Variants in GLDN observed in about 807,000 individuals in gnomAD.
The protein encoded by GLDN is gliomedin.
GLDN carries 47 observed loss-of-function variants against 56.5 expected under a neutral mutation model. That is an observed-to-expected ratio of 0.83 (90% CI 0.66 to 1.06). The LOEUF (loss-of-function observed/expected upper bound fraction) is 1.06. Ranked by LOEUF, GLDN falls within the 50% of genes least tolerant of loss-of-function variation. The pLI is 0.00. For synonymous variants in GLDN, 332 were observed against 278.8 expected, an observed-to-expected ratio of 1.19 and a Z score of -1.90; for missense variants, 782 against 714.3, an observed-to-expected ratio of 1.09 and a Z score of -1.08.
At position 51,362,959 on chromosome 15, in the gene GLDN, G is replaced by GA. The variant is rs1479445445; in HGVS notation, c.364-14483dup. On this transcript the variant is annotated intron_variant, in intron 1 of 9. Transcript: ENST00000335449. ...ACAGTTTTAATGTGATGTGAGAGGG[G>GA]AAAAAAATAGAGGAATTGAAGGACT... 2.7e-5 allele frequency among the ~76,000 whole-genome samples: 4 copies of GA among 148,614 alleles called. No individual in the cohort carries two copies. The East Asian group carries it at 5.9e-4, about 22-fold the overall frequency.
chr15:51,389,130 G>A (rs1321367433), intron 4 of GLDN, among the ~76,000 whole-genome samples: 1 of 152,174 alleles, frequency 6.6e-6, no homozygotes, highest in African/African-American at 2.4e-5. Flanking sequence ...CCAAGATGAG[G>A]CCTTGACCTC....
intron 1 of GLDN, among the ~76,000 whole-genome samples, chr15:51,376,031 A>T (rs924014949): frequency 2.0e-5 from 3 of 152,212 alleles, no homozygotes; most frequent in African/African-American, 7.2e-5. Context: ...ATGTTGATAG[A>T]TAAGCTGCTG....
chr15:51,377,010 T>C (rs2037646479), intron 1 of GLDN, among the ~76,000 whole-genome samples: 1 of 152,208 alleles, frequency 6.6e-6, no homozygotes, highest in Non-Finnish European at 1.5e-5. Flanking sequence ...TGTCAAGATG[T>C]CAGCTGGAAA....
intron 1 of GLDN, among the ~76,000 whole-genome samples, chr15:51,354,938 C>T (rs59407260): frequency 1.6e-4 from 25 of 152,212 alleles, no homozygotes; most frequent in East Asian, 1.2e-3. Context: ...AAACAATTCA[C>T]GTATGGCTAA....
intron 4 of GLDN, among the ~76,000 whole-genome samples, chr15:51,387,869 C>T (rs1008288029): frequency 2.0e-5 from 3 of 152,174 alleles, no homozygotes; most frequent in Admixed American, 6.5e-5. Context: ...CTAAGGTCTC[C>T]GTACACTCAG....
At chr15:51,353,273 C>T (rs2037109075) in intron 1 of GLDN, among the ~76,000 whole-genome samples, 1 of 152,310 alleles carries the variant, frequency 6.6e-6, no homozygotes, top group Admixed American at 6.5e-5. Context: ...TTCTAAAACC[C>T]TAGCCTCTGA....
chr15:51,393,457 T>G (rs1489128562), intron 4 of GLDN, among the ~76,000 whole-genome samples: 2 of 152,186 alleles, frequency 1.3e-5, no homozygotes, highest in Non-Finnish European at 2.9e-5. Flanking sequence ...AATGAGGACT[T>G]TTTCCTGTGT....
intron 1 of GLDN, among the ~76,000 whole-genome samples, chr15:51,368,297 C>A (rs1415356775): frequency 6.6e-6 from 1 of 151,990 alleles, no homozygotes; most frequent in South Asian, 2.1e-4. Context: ...GAGAAGTCAG[C>A]GTAACAGCGA....
chr15:51,410,308 T>C (rs545797660), downstream of GLDN, among the ~76,000 whole-genome samples: 1 of 152,364 alleles, frequency 6.6e-6, no homozygotes, highest in Admixed American at 6.5e-5. Context: ...ATTTTGCTTT[T>C]GGTGCTGGAA....
rs758677429 is a variant in GLDN, at chr15:51,397,472, G to A, written c.691G>A (p.Ala231Thr). Residue 231 changes from alanine to threonine, a missense_variant and splice_region_variant, in exon 6 of 10, where the codon GCC becomes ACC. Transcript: ENST00000335449. ...DVSNDVLLAG[A>T]KGDQGPPGPP... ...CCTTTCTCTCTCTCTCTCTCCAGGT[G>A]CCAAAGGTGACCAAGGCCCACCCGG... 3.6e-5 allele frequency: 55 copies of A among 1,507,980 alleles called. No individual in the cohort carries two copies. Among genetic ancestry groups the A allele is most frequent in the Admixed American group, 1.6e-4 (8 of 48,796 alleles). 93.4% of individuals were successfully genotyped at this position (1,507,980 alleles called of 1,614,324 possible).
At chr15:51,359,104 A>G (rs1369821415) in intron 1 of GLDN, among the ~76,000 whole-genome samples, 1 of 152,166 alleles carries the variant, frequency 6.6e-6, no homozygotes. Flanking sequence ...ACCAGACAAA[A>G]AGATAGTCAA....
At chr15:51,385,610 G>A (rs2037874678) in intron 4 of GLDN, 1 of 152,220 alleles carries the variant, frequency 6.6e-6, no homozygotes, top group Non-Finnish European at 1.5e-5. Flanking sequence ...CATAGAAAGG[G>A]GTGGGAAATT....
intron 1 of GLDN, among the ~76,000 whole-genome samples, chr15:51,348,425 T>C (rs1488242493): frequency 6.6e-6 from 1 of 152,136 alleles, no homozygotes; most frequent in Non-Finnish European, 1.5e-5. Context: ...CTTGACTAAT[T>C]GGGTTCAAAT....
chr15:51,376,029 A>G (rs1209220127), intron 1 of GLDN, among the ~76,000 whole-genome samples: 2 of 152,222 alleles, frequency 1.3e-5, no homozygotes, highest in Non-Finnish European at 2.9e-5. Context: ...TGATGTTGAT[A>G]GATAAGCTGC....
downstream of GLDN, among the ~76,000 whole-genome samples, chr15:51,410,860 T>G (rs1595847364): frequency 2.0e-5 from 3 of 152,324 alleles, no homozygotes; most frequent in Admixed American, 2.0e-4. Context: ...CCAGGTATGA[T>G]CCCAGAAAGA....
In GLDN at chr15:51,383,551, G is replaced by A. The variant is rs1404907876; in HGVS notation, c.433+98G>A. The A allele has an allele frequency of 2.8e-6, 4 of 1,415,934 alleles. No homozygotes were observed. In the African/African-American group the frequency reaches 4.3e-5, roughly 15 times the overall value. The allele number at this position is 1,415,934 out of a possible 1,614,324, so 87.7% of individuals were successfully genotyped here. On this transcript the variant is annotated intron_variant, in intron 3 of 9. Coordinates refer to ENST00000335449, the MANE Select transcript of GLDN (RefSeq NM_181789.4). ...CAGATGCGGGGAGGGCAAGAGCCTG[G>A]AGGCAGTCCTGGCTGTGTGTCTCCT... is the stretch of plus-strand genomic sequence containing the variant.
Position 51,363,878 on chromosome 15 carries a change from A to G in GLDN, c.364-13571A>G, listed in dbSNP as rs551782565. On this transcript the variant is annotated intron_variant, in intron 1 of 9. Coordinates refer to ENST00000335449, the MANE Select transcript of GLDN (RefSeq NM_181789.4). ...TTATTTGGACTATAGAATTCTAGAC[A>G]GAAAATGTTTTTCTTTCAGCACTTA... Among the ~76,000 whole-genome samples, 2 of 152,340 alleles carry G rather than the reference A, an allele frequency of 1.3e-5. 1 individual carries two copies. The highest frequency in any genetic ancestry group is 4.8e-5 in the African/African-American group (2 of 41,576).
chr15:51,344,744 A>G (rs529500883), intron 1 of GLDN, among the ~76,000 whole-genome samples: 1 of 152,318 alleles, frequency 6.6e-6, no homozygotes, highest in Non-Finnish European at 1.5e-5. Flanking sequence ...AGAATGGTTC[A>G]TTTATCCAAG....
intron 1 of GLDN, among the ~76,000 whole-genome samples, chr15:51,362,958 GGA>G (rs999700285): frequency 3.7e-5 from 5 of 133,780 alleles, no homozygotes; most frequent in African/African-American, 1.0e-4. Flanking sequence ...ATGTGAGAGG[GGA>G]AAAAAATAGA....
Sources: allele counts gnomAD v4.1 joint callset (sites outside exome capture counted in the v4.1 genomes callset), GRCh38; gene constraint gnomAD v4.1.1; transcripts MANE v1.5; gene names NCBI Gene and HGNC (gene_info 2026-07-23, HGNC 2026-07-21).